Variants in GAB1 observed in about 807,000 individuals in gnomAD.
GAB1 encodes GRB2 associated binding protein 1, also known as GRB2-associated-binding protein 1.
Under a neutral mutation model 66.5 loss-of-function variants are expected in GAB1, and 19 were observed. The ratio of observed to expected loss-of-function variants is 0.29; its 90% CI spans 0.20 to 0.42. The LOEUF (loss-of-function observed/expected upper bound fraction) is 0.42, where lower values mean the gene tolerates loss of function less well. Among genes scored for constraint, GAB1 ranks in the 10% least tolerant of loss-of-function variants. The probability of loss-of-function intolerance (pLI) is 1.00; values close to 1 mark genes in which losing one functional copy is unlikely to be tolerated. For missense variants in GAB1, 732 were observed against 858.5 expected (o/e 0.85, Z 1.84); for synonymous variants, 294 against 301.4 (o/e 0.98, Z 0.25).
intron 3 of GAB1, chr4:143,434,067 T>A (rs1327355771): frequency 1.6e-6 from 2 of 1,226,732 alleles, no homozygotes; most frequent in South Asian, 1.3e-5. Flanking sequence ...TTGCTCCATT[T>A]CTTATGTGAT....
chr4:143,357,934 A>G (rs1051943924), intron 1 of GAB1, among the ~76,000 whole-genome samples: 1 of 151,936 alleles, frequency 6.6e-6, no homozygotes, highest in African/African-American at 2.4e-5. Flanking sequence ...TTTTTTATAC[A>G]TGTTTTGTAA....
At chr4:143,353,169 G>T (rs1299395144) in intron 1 of GAB1, among the ~76,000 whole-genome samples, 1 of 152,168 alleles carries the variant, frequency 6.6e-6, no homozygotes, top group Non-Finnish European at 1.5e-5. Context: ...CTGGTTATTG[G>T]ATCTGAAAGC....
chr4:143,352,247 C>T (rs1375827217), intron 1 of GAB1, among the ~76,000 whole-genome samples: 2 of 152,224 alleles, frequency 1.3e-5, no homozygotes, highest in African/African-American at 4.8e-5. Flanking sequence ...AGCTTGTTTA[C>T]TTTTTATAAA....
At chr4:143,435,897 T>G (rs1005841960) in intron 3 of GAB1, among the ~76,000 whole-genome samples, 3 of 152,226 alleles carry the variant, frequency 2.0e-5, no homozygotes, top group Non-Finnish European at 2.9e-5. Flanking sequence ...AATATCTTTC[T>G]GGGTTTTTAT....
At chr4:143,384,230 C>G (rs1730790848) in intron 1 of GAB1, among the ~76,000 whole-genome samples, 1 of 152,182 alleles carries the variant, frequency 6.6e-6, no homozygotes, top group South Asian at 2.1e-4. Context: ...TGCTGCATTT[C>G]TATAACAAAA....
At chr4:143,411,570 A>G (rs1283591106) in intron 1 of GAB1, among the ~76,000 whole-genome samples, 1 of 152,210 alleles carries the variant, frequency 6.6e-6, no homozygotes, top group African/African-American at 2.4e-5. Flanking sequence ...TTGGCAAGGC[A>G]GTGTACGGCT....
intron 1 of GAB1, among the ~76,000 whole-genome samples, chr4:143,344,718 T>G (rs1199188246): frequency 3.9e-5 from 6 of 152,154 alleles, no homozygotes; most frequent in Non-Finnish European, 1.5e-5. Flanking sequence ...GAACTGGAAT[T>G]TTTTGCTCAT....
chr4:143,337,657 G>A (rs1728705039), intron 1 of GAB1, among the ~76,000 whole-genome samples: 1 of 152,118 alleles, frequency 6.6e-6, no homozygotes, highest in Admixed American at 6.5e-5. Flanking sequence ...TAAAGCTCCC[G>A]CACCGGGAAA....
intron 1 of GAB1, among the ~76,000 whole-genome samples, chr4:143,364,748 T>C (rs974827423): frequency 1.3e-5 from 2 of 152,028 alleles, no homozygotes; most frequent in African/African-American, 4.8e-5. Flanking sequence ...AGTGTTTGCT[T>C]GTTCACTCCC....
chr4:143,410,860 CCTT>C (rs1312786282), intron 1 of GAB1, among the ~76,000 whole-genome samples: 1 of 152,118 alleles, frequency 6.6e-6, no homozygotes, highest in African/African-American at 2.4e-5. Flanking sequence ...CTGAGCACCT[CCTT>C]GGCGCTAGGC....
chr4:143,351,006 A>G (rs975630699), intron 1 of GAB1, among the ~76,000 whole-genome samples: 11 of 152,128 alleles, frequency 7.2e-5, no homozygotes, highest in Non-Finnish European at 1.3e-4. Flanking sequence ...TCAAACCTCT[A>G]GGGGAGCATA....
chr4:143,446,816 A>G (rs1303781617), intron 6 of GAB1, among the ~76,000 whole-genome samples: 32 of 150,810 alleles, frequency 2.1e-4, no homozygotes, highest in Non-Finnish European at 4.2e-4. Context: ...CCATTTGTCA[A>G]TTTTGGCTTT....
chr4:143,412,281 A>T (rs140457780), intron 1 of GAB1, among the ~76,000 whole-genome samples: 2 of 152,184 alleles, frequency 1.3e-5, no homozygotes, highest in Non-Finnish European at 2.9e-5. Flanking sequence ...TGTTTTGTGC[A>T]TGTGTTTTGG....
chr4:143,397,830 C>T (rs1404988522), intron 1 of GAB1, among the ~76,000 whole-genome samples: 1 of 152,118 alleles, frequency 6.6e-6, no homozygotes, highest in Non-Finnish European at 1.5e-5. Flanking sequence ...ACTTTTCTTG[C>T]CTTTCTAATG....
At chr4:143,426,328 T>G (rs1014960531) in intron 2 of GAB1, among the ~76,000 whole-genome samples, 35 of 152,126 alleles carry the variant, frequency 2.3e-4, no homozygotes, top group African/African-American at 7.0e-4. Flanking sequence ...GGCTGGAGGA[T>G]CTCTTGAACC....
chr4:143,400,491 G>A (rs969916946), intron 1 of GAB1, among the ~76,000 whole-genome samples: 6 of 152,210 alleles, frequency 3.9e-5, no homozygotes, highest in African/African-American at 1.4e-4. Flanking sequence ...TGGAGTTGGG[G>A]CTTCACTTGT....
chr4:143,388,526 T>A (rs1239714281), intron 1 of GAB1, among the ~76,000 whole-genome samples: 1 of 152,190 alleles, frequency 6.6e-6, no homozygotes, highest in East Asian at 1.9e-4. Context: ...GGAATTCTCC[T>A]GCCTCAGCTT....
intron 2 of GAB1, among the ~76,000 whole-genome samples, chr4:143,426,825 T>C (rs1733383975): frequency 1.3e-5 from 2 of 152,252 alleles, no homozygotes; most frequent in African/African-American, 4.8e-5. Flanking sequence ...ATGAATATTA[T>C]AGTTAAATAC....
At chr4:143,426,953 A>G (rs2149736760) in intron 2 of GAB1, among the ~76,000 whole-genome samples, 1 of 152,326 alleles carries the variant, frequency 6.6e-6, no homozygotes, top group East Asian at 1.9e-4. Flanking sequence ...TGCATTACTG[A>G]TGCAGAACTT....
Sources: gnomAD v4.1 joint callset for allele counts (sites outside exome capture counted in the v4.1 genomes callset) on GRCh38, gnomAD v4.1.1 for gene constraint, MANE v1.5 for transcripts, NCBI Gene and HGNC (gene_info 2026-07-23, HGNC 2026-07-21) for gene names.